The following SBF1 variants were observed in gnomAD, a reference collection of about 807,000 sequenced individuals.
SBF1 encodes myotubularin-related protein 5.
A neutral mutation model predicts 215.8 loss-of-function variants in SBF1; 65 were observed. The observed-to-expected ratio is 0.30, with a 90% CI of 0.25 to 0.37. SBF1 has a LOEUF of 0.37. Among genes scored for constraint, SBF1 ranks in the 10% least tolerant of loss-of-function variants. The pLI, the probability that SBF1 is intolerant of heterozygous loss-of-function variation, is 1.00. For missense variants in SBF1, 2,634 were observed against 2,667.8 expected (o/e 0.99, Z 0.28); for synonymous variants, 1,410 against 1,122.8 (o/e 1.26, Z -5.11).
intron 38 of SBF1, 28 bp from the exon 39 acceptor site, chr22:50,447,637 GCTGA>G: frequency 6.5e-7 from 1 of 1,548,400 alleles, no homozygotes. Flanking sequence ...CCAGGGCCAG[GCTGA>G]CCGTCATGGC....
At chr22:50,461,027 C>A (rs1052598599) in intron 23 of SBF1, 132 bp downstream of exon 23, 3 of 1,231,356 alleles carry the variant, frequency 2.4e-6, no homozygotes, top group Non-Finnish European at 3.3e-6. Context: ...CAGTGAGGGC[C>A]CCAGACATGC....
At chr22:50,457,402 G>T in intron 28 of SBF1, 1 of 370,360 alleles carries the variant, frequency 2.7e-6, no homozygotes, top group South Asian at 8.1e-5. Flanking sequence ...CCAGCTTAGA[G>T]CAAGTCTGTC....
At chr22:50,463,975 G>C (rs147503104) in intron 15 of SBF1, among the ~76,000 whole-genome samples, 448 of 152,302 alleles carry the variant, frequency 2.9e-3, no homozygotes, top group African/African-American at 0.01. Context: ...AACAGGTCAC[G>C]TATGGAGGGA....
Position 50,448,343 on chromosome 22 carries a change from G to A in SBF1, c.5253C>T (p.Ser1751=). ...AGCCACTACTCTGGTCGCTGTCCAG[G>A]CTGAGGCTCAGGGTGGAGCCCACGG... is the stretch of plus-strand genomic sequence containing the variant. ...EGPVGSTLSL[S]LDSDQSSGST... is the part of the protein sequence containing the mutation. Residue 1751 remains serine, a synonymous_variant, in exon 38 of 41, where the codon AGC becomes AGT. Transcript: ENST00000380817. 2 of 1,613,890 alleles carry A rather than the reference G, an allele frequency of 1.2e-6. No homozygotes were observed. Among genetic ancestry groups the A allele is most frequent in the Non-Finnish European group, 8.5e-7 (1 of 1,180,042 alleles).
Position 50,456,649 on chromosome 22 carries a change from C to G in SBF1, c.3929G>C (p.Ser1310Thr). 6.7e-7 allele frequency: 1 copy of G among 1,491,530 alleles called. No homozygotes were observed. Among genetic ancestry groups the G allele is most frequent in the African/African-American group, 1.4e-5 (1 of 71,294 alleles). 92.4% of individuals were successfully genotyped at this position (1,491,530 alleles called of 1,614,324 possible). A position where few individuals can be genotyped will look rare whatever the true frequency, so the allele number is the denominator to read the frequency against. The change falls in exon 30 of 41, where the codon AGT becomes ACT. Residue 1310 changes from serine (S) to threonine (T), a missense_variant. Physicochemically the swap from Ser to Thr is moderately conservative, Grantham distance 58. Coordinates refer to ENST00000380817, the MANE Select transcript of SBF1 (RefSeq NM_002972.4). ...GGTGCCAAGGCCACTGCTGCGTCCACTGGTCCGGACACTGCCCCACTTACC... is the reference window on the plus strand; with the variant it reads ...GGTGCCAAGGCCACTGCTGCGTCCAGTGGTCCGGACACTGCCCCACTTACC... ...PRGKWGSVRTSGRSSGLGTDV... is the reference protein window; with the variant it reads ...PRGKWGSVRTTGRSSGLGTDV...
intron 28 of SBF1, 83 bp downstream of exon 28, chr22:50,459,172 C>T (rs2067390082): frequency 6.6e-7 from 1 of 1,513,166 alleles, no homozygotes; most frequent in Admixed American, 2.0e-5. Flanking sequence ...TCTGCTCCTC[C>T]CTGGCCTGCC....
chr22:50,470,647 C>T (rs1260390334), intron 1 of SBF1, among the ~76,000 whole-genome samples: 1 of 152,218 alleles, frequency 6.6e-6, no homozygotes, highest in Admixed American at 6.5e-5. Flanking sequence ...ACCGACCTCC[C>T]TCCACCACAC....
In SBF1 at chr22:50,459,648, G is replaced by C. The variant is rs13056317; in HGVS notation, c.3510C>G (p.Ile1170Met). 6.2e-6 allele frequency: 10 copies of C among 1,607,072 alleles called. No individual in the cohort carries two copies. In the East Asian group the frequency reaches 6.7e-5, roughly 11 times the overall value. The stretch of plus-strand genomic sequence containing the variant: ...CGTTGTCCTGGACACTCTGGGGCAC[G>C]ATCAGCAGCCCTGGGTAGCTGAGAG... The part of the protein sequence containing the change: ...AICRSYPGLL[I>M]VPQSVQDNAL... Residue 1170 changes from isoleucine to methionine, a missense_variant, in exon 27 of 41, where the codon ATC becomes ATG. Physicochemically the swap from Ile to Met is conservative, Grantham distance 10 (BLOSUM62 1). Coordinates refer to ENST00000380817, the MANE Select transcript of SBF1 (RefSeq NM_002972.4).
chr22:50,457,232 T>C, intron 28 of SBF1, 121 bp from the exon 29 acceptor site: 1 of 744,052 alleles, frequency 1.3e-6, no homozygotes, highest in Non-Finnish European at 2.0e-6. Context: ...ACAGCAGGGG[T>C]CAGCCCCAAG....
Position 50,463,423 on chromosome 22 carries a change from C to G in SBF1, c.1759G>C (p.Ala587Pro). 1 of 1,569,764 alleles carries G rather than the reference C, an allele frequency of 6.4e-7. No individual in the cohort carries two copies. Among genetic ancestry groups the G allele is most frequent in the Non-Finnish European group, 8.7e-7 (1 of 1,155,546 alleles). ...KMLEAKKLLP[A>P]VLRALKGRAA... ...CGCCCCTTCAGGGCCCTCAACACGG[C>G]TGGGAGCAGCTGGGGGTGGGGAAAG... is the stretch of plus-strand genomic sequence containing the variant. The change falls in exon 16 of 41, where the codon GCC becomes CCC. Residue 587 changes from alanine to proline, a missense_variant. By Grantham distance (27) the Ala-to-Pro change is conservative. Coordinates refer to ENST00000380817, the MANE Select transcript of SBF1 (RefSeq NM_002972.4).
intron 28 of SBF1, among the ~76,000 whole-genome samples, chr22:50,458,349 G>A (rs4824149): frequency 0.15 from 22,291 of 148,556 alleles, 1,805 homozygotes; most frequent in East Asian, 0.28. Context: ...TAGAAGCCAC[G>A]ACTACAGCTG....
chr22:50,464,977 T>C (rs762703190), intron 12 of SBF1, 24 bp downstream of exon 12: 1 of 1,613,572 alleles, frequency 6.2e-7, no homozygotes, highest in Non-Finnish European at 8.5e-7. Context: ...GGCAGGGGGC[T>C]GGGAGGGCAG....
intron 30 of SBF1, 39 bp downstream of exon 30, chr22:50,456,453 G>GCCCCCACCCTCAC: frequency 6.6e-7 from 1 of 1,520,062 alleles, no homozygotes; most frequent in Middle Eastern, 2.4e-4. Flanking sequence ...CCCCTGCCGA[G>GCCCCCACCCTCAC]CCCCCACCCT....
chr22:50,468,574 A>T, intron 1 of SBF1, 113 bp from the exon 2 acceptor site: 1 of 683,660 alleles, frequency 1.5e-6, no homozygotes, highest in Non-Finnish European at 2.4e-6. Flanking sequence ...CTGGCACCAG[A>T]TCAGCCACAG....
In SBF1 at chr22:50,462,720, G is replaced by A. The variant is rs775260941; in HGVS notation, c.1969-3C>T. 2 of 1,611,184 alleles carry A rather than the reference G, an allele frequency of 1.2e-6. No individual in the cohort carries two copies. The highest frequency in any genetic ancestry group is 1.1e-5 in the South Asian group (1 of 90,598). ...TGCGTCACCCCCGGGCTCAGCTTCT[G>A]CAGGAGCCAGGGGAGAAGGTCAGCT... is the stretch of plus-strand genomic sequence containing the variant. On this transcript the variant is annotated splice_polypyrimidine_tract_variant and splice_region_variant and intron_variant, in intron 17 of 40. Coordinates refer to ENST00000380817, the MANE Select transcript of SBF1 (RefSeq NM_002972.4).
At chr22:50,449,720 A>G (rs1316752815) in intron 36 of SBF1, among the ~76,000 whole-genome samples, 1 of 152,170 alleles carries the variant, frequency 6.6e-6, no homozygotes, top group Admixed American at 6.5e-5. Flanking sequence ...CTGCCAGAAG[A>G]AAAAAAGACA....
At position 50,467,648 on chromosome 22, in the gene SBF1, C is replaced by T. The variant is rs1195907468; in HGVS notation, c.322G>A (p.Gly108Arg). ...VEDATEREEEGDEGGQTHLSP... is the reference protein window; with the variant it reads ...VEDATEREEERDEGGQTHLSP... ...AGGTGGGTCTGGCCTCCCTCATCCC[C>T]CTCTTCCTCCCTCTCTGTGGCATCC... Residue 108 changes from glycine (G) to arginine (R), a missense_variant, in exon 4 of 41, where the codon GGG becomes AGG. By Grantham distance (125) the Gly-to-Arg change is moderately radical. Transcript: ENST00000380817. The T allele has an allele frequency of 1.2e-6, 2 of 1,613,854 alleles. No individual in the cohort carries two copies. The highest frequency in any genetic ancestry group is 3.3e-5 in the Admixed American group (2 of 59,988).
In SBF1 at chr22:50,468,366, C is replaced by A; in HGVS notation, c.141+10G>T. On this transcript the variant is annotated intron_variant, in intron 2 of 40. Transcript: ENST00000380817. ...CCTGCCAGCACCGTCTCAGCACGCC[C>A]CCAACTCACCAGCTCGATGCCCTGG... 6.2e-7 allele frequency: 1 copy of A among 1,611,094 alleles called. No individual in the cohort carries two copies. The highest frequency in any genetic ancestry group is 8.5e-7 in the Non-Finnish European group (1 of 1,179,132).
intron 36 of SBF1, among the ~76,000 whole-genome samples, 180 bp downstream of exon 36, chr22:50,454,332 G>A (rs1320105145): frequency 6.6e-6 from 1 of 152,060 alleles, no homozygotes; most frequent in Non-Finnish European, 1.5e-5. Flanking sequence ...GCCCTGGGGA[G>A]CCACAGCCAC....
Sources: allele counts gnomAD v4.1 joint callset (sites outside exome capture counted in the v4.1 genomes callset), GRCh38; gene constraint gnomAD v4.1.1; transcripts MANE v1.5; gene names NCBI Gene and HGNC (gene_info 2026-07-23, HGNC 2026-07-21).